Variants in CPQ observed in about 807,000 individuals in gnomAD.
The protein encoded by CPQ is carboxypeptidase Q, also known as Ser-Met dipeptidase.
In CPQ, 37 loss-of-function variants were observed where a neutral mutation model predicts 45.7. That is an observed-to-expected ratio of 0.81 (90% CI 0.62 to 1.07). CPQ has a LOEUF of 1.07. CPQ is among the 50% of genes least tolerant of loss of function. CPQ has a pLI of 0.00. For synonymous variants in CPQ, 186 were observed against 205.8 expected, an observed-to-expected ratio of 0.90 and a Z score of 0.82; for missense variants, 537 against 572.9, an observed-to-expected ratio of 0.94 and a Z score of 0.64.
At chr8:96,703,209 C>T (rs1809490957) in intron 1 of CPQ, among the ~76,000 whole-genome samples, 1 of 152,088 alleles carries the variant, frequency 6.6e-6, no homozygotes, top group Admixed American at 6.6e-5. Context: ...AACATAACTC[C>T]ATGAATAATG....
At chr8:96,691,216 C>A (rs1428709932) in intron 1 of CPQ, among the ~76,000 whole-genome samples, 1 of 152,162 alleles carries the variant, frequency 6.6e-6, no homozygotes, top group Non-Finnish European at 1.5e-5. Context: ...GTTCTAGTGG[C>A]TCCAGATGTT....
chr8:97,093,744 G>C (rs1811164602), intron 7 of CPQ, among the ~76,000 whole-genome samples: 1 of 152,140 alleles, frequency 6.6e-6, no homozygotes. Context: ...TCTTTGTAAA[G>C]GGTAGGCCTT....
intron 2 of CPQ, among the ~76,000 whole-genome samples, chr8:96,821,708 T>C (rs11779519): frequency 0.57 from 86,267 of 151,702 alleles, 25,923 homozygotes; most frequent in East Asian, 0.88. Context: ...CACTGTTCTT[T>C]CATTGACTAA....
At chr8:97,012,774 A>G (rs1189499189) in intron 5 of CPQ, among the ~76,000 whole-genome samples, 1 of 152,206 alleles carries the variant, frequency 6.6e-6, no homozygotes, top group Non-Finnish European at 1.5e-5. Flanking sequence ...CAAAAGCTCT[A>G]TAAGGTCAGC....
chr8:96,747,733 C>G (rs983614780), intron 1 of CPQ, among the ~76,000 whole-genome samples: 3 of 152,154 alleles, frequency 2.0e-5, no homozygotes, highest in African/African-American at 7.2e-5. Context: ...GGTTCTCAGA[C>G]CATAGCCTTT....
chr8:96,911,663 C>T (rs966109810), intron 4 of CPQ, among the ~76,000 whole-genome samples: 4 of 152,220 alleles, frequency 2.6e-5, no homozygotes, highest in African/African-American at 9.6e-5. Flanking sequence ...TCCTGAAAAT[C>T]AGGCCTTCCT....
intron 5 of CPQ, among the ~76,000 whole-genome samples, chr8:97,003,488 A>G (rs1809322776): frequency 6.6e-6 from 1 of 152,080 alleles, no homozygotes; most frequent in African/African-American, 2.4e-5. Context: ...ATTTCTCTTG[A>G]AGCCTGAAAG....
intron 7 of CPQ, among the ~76,000 whole-genome samples, chr8:97,095,725 C>G (rs530272686): frequency 2.4e-4 from 36 of 152,304 alleles, no homozygotes; most frequent in Admixed American, 8.5e-4. Context: ...CCCTTTGCTA[C>G]TTATCTTTTA....
chr8:96,681,008 A>G (rs1397259825), intron 1 of CPQ, among the ~76,000 whole-genome samples: 4 of 152,226 alleles, frequency 2.6e-5, no homozygotes, highest in Non-Finnish European at 5.9e-5. Flanking sequence ...GCAGCAAAAC[A>G]TTCAAGAAGT....
chr8:97,019,056 G>C (rs28823305), intron 5 of CPQ, among the ~76,000 whole-genome samples: 1 of 152,204 alleles, frequency 6.6e-6, no homozygotes, highest in African/African-American at 2.4e-5. Flanking sequence ...CTGCAAGCTA[G>C]AAGGGATTGG....
chr8:97,123,095 T>A (rs1360986444), intron 7 of CPQ, among the ~76,000 whole-genome samples: 17 of 50,436 alleles, frequency 3.4e-4, no homozygotes, highest in Non-Finnish European at 4.4e-4. Flanking sequence ...TAAAATAAAA[T>A]AAAATAAATA....
chr8:97,041,947 T>C (rs149298515), intron 6 of CPQ, among the ~76,000 whole-genome samples: 2,893 of 152,304 alleles, frequency 0.019, 95 homozygotes, highest in African/African-American at 0.066. Flanking sequence ...TAAAATTCTC[T>C]TTTTTGGATG....
chr8:96,715,079 T>C (rs550462945), intron 1 of CPQ, among the ~76,000 whole-genome samples: 2 of 152,288 alleles, frequency 1.3e-5, no homozygotes, highest in East Asian at 3.9e-4. Flanking sequence ...TTTATTTTTT[T>C]CCCCAGTATT....
At chr8:96,877,907 A>G (rs1812169271) in intron 3 of CPQ, among the ~76,000 whole-genome samples, 2 of 152,160 alleles carry the variant, frequency 1.3e-5, no homozygotes, top group African/African-American at 4.8e-5. Context: ...CTGGGTTTGG[A>G]AGATAAGTCT....
intron 1 of CPQ, among the ~76,000 whole-genome samples, chr8:96,650,414 G>C (rs1240679616): frequency 6.6e-6 from 1 of 152,216 alleles, no homozygotes; most frequent in Non-Finnish European, 1.5e-5. Context: ...TATTTAAAAA[G>C]CAATTTTATA....
At chr8:96,951,097 A>G (rs1034129718) in intron 4 of CPQ, among the ~76,000 whole-genome samples, 1 of 152,078 alleles carries the variant, frequency 6.6e-6, no homozygotes, top group African/African-American at 2.4e-5. Flanking sequence ...TTGACAGACC[A>G]TTTAGTTTTT....
intron 1 of CPQ, among the ~76,000 whole-genome samples, chr8:96,677,653 G>C (rs1312299048): frequency 5.3e-5 from 8 of 151,994 alleles, no homozygotes; most frequent in African/African-American, 9.7e-5. Context: ...TTCTTTTGCT[G>C]TGCAGAAGCT....
chr8:96,658,322 G>A (rs996546384), intron 1 of CPQ, among the ~76,000 whole-genome samples: 1 of 152,196 alleles, frequency 6.6e-6, no homozygotes, highest in Non-Finnish European at 1.5e-5. Flanking sequence ...TGGCTTAATG[G>A]TTAAGAACAT....
At chr8:96,824,740 GT>G (rs1405762488) in intron 2 of CPQ, among the ~76,000 whole-genome samples, 7 of 151,980 alleles carry the variant, frequency 4.6e-5, no homozygotes, top group Admixed American at 4.6e-4. Context: ...AATTATTACT[GT>G]TGTTAAATGG....
Sources: allele counts gnomAD v4.1 joint callset (sites outside exome capture counted in the v4.1 genomes callset), GRCh38; gene constraint gnomAD v4.1.1; transcripts MANE v1.5; gene names NCBI Gene and HGNC (gene_info 2026-07-23, HGNC 2026-07-21).